Variants in LRRIQ3 observed in about 807,000 individuals in gnomAD.
The protein encoded by LRRIQ3 is leucine rich repeats and IQ motif containing 3, also known as leucine-rich repeat and IQ domain-containing protein 3.
Under a neutral mutation model 59.3 loss-of-function variants are expected in LRRIQ3, and 75 were observed. That is an observed-to-expected ratio of 1.26 (90% confidence interval 1.05 to 1.53). LRRIQ3 has a LOEUF of 1.53. Ranked by LOEUF, LRRIQ3 falls within the 40% of genes most tolerant of loss-of-function variation. LRRIQ3 has a pLI of 0.00. For synonymous variants in LRRIQ3, 250 were observed against 231.3 expected (o/e 1.08, Z -0.73); for missense variants, 831 against 710.0 (o/e 1.17, Z -1.94).
In LRRIQ3 at chr1:74,041,642, T is replaced by C. The variant is rs1277020058; in HGVS notation, c.1289A>G (p.Gln430Arg). Residue 430 changes from glutamine to arginine, a missense_variant, in exon 7 of 8, where the codon CAA becomes CGA. Coordinates refer to ENST00000354431, the MANE Select transcript of LRRIQ3 (RefSeq NM_001105659.2). The stretch of plus-strand genomic sequence containing the variant: ...TTCTTTATGGTATTCCTGCTTCTTT[T>C]GTTCTGTGTAATATTTGTCAATATC... ...FSDIDKYYTE[Q>R]KKQEYHKEKV... 1.2e-6 allele frequency: 2 copies of C among 1,613,836 alleles called. No individual in the cohort carries two copies. The highest frequency in any genetic ancestry group is 2.2e-5 in the East Asian group (1 of 44,860).
intron 6 of LRRIQ3, among the ~76,000 whole-genome samples, chr1:74,059,001 G>A (rs948409593): frequency 6.6e-6 from 1 of 152,008 alleles, no homozygotes; most frequent in Non-Finnish European, 1.5e-5. Context: ...ATAGCCATCT[G>A]AATGGGTGTG....
At chr1:74,152,834 C>T (rs1302072035) in intron 4 of LRRIQ3, among the ~76,000 whole-genome samples, 1 of 152,076 alleles carries the variant, frequency 6.6e-6, no homozygotes, top group East Asian at 1.9e-4. Context: ...TGTGTTAATA[C>T]CGGAACCTGA....
chr1:74,110,795 A>T (rs1646683972), intron 4 of LRRIQ3, among the ~76,000 whole-genome samples: 1 of 152,058 alleles, frequency 6.6e-6, no homozygotes, highest in Non-Finnish European at 1.5e-5. Flanking sequence ...ATATACTAAG[A>T]TAATACAATT....
chr1:74,149,363 A>T (rs1647779110), intron 4 of LRRIQ3, among the ~76,000 whole-genome samples: 1 of 152,150 alleles, frequency 6.6e-6, no homozygotes, highest in Admixed American at 6.5e-5. Context: ...TGTATGTACA[A>T]CTATTTAGTA....
intron 6 of LRRIQ3, among the ~76,000 whole-genome samples, chr1:74,051,000 C>G (rs995538528): frequency 6.6e-6 from 1 of 152,128 alleles, no homozygotes; most frequent in Non-Finnish European, 1.5e-5. Context: ...TATGAAACAT[C>G]TTACATCTCA....
intron 4 of LRRIQ3, among the ~76,000 whole-genome samples, chr1:74,117,138 A>G (rs1646788439): frequency 6.6e-6 from 1 of 152,174 alleles, no homozygotes; most frequent in Admixed American, 6.6e-5. Context: ...TTTAAATAGA[A>G]GTTATCCAGA....
intron 4 of LRRIQ3, among the ~76,000 whole-genome samples, chr1:74,119,428 T>C (rs1268176053): frequency 2.0e-5 from 3 of 152,102 alleles, no homozygotes; most frequent in Non-Finnish European, 4.4e-5. Context: ...ACAAGCTATT[T>C]ATATGTGAAC....
At chr1:74,131,692 C>T (rs548363687) in intron 4 of LRRIQ3, among the ~76,000 whole-genome samples, 5 of 152,254 alleles carry the variant, frequency 3.3e-5, no homozygotes, top group African/African-American at 1.2e-4. Context: ...ATGCTAAGAA[C>T]TCTCAATAAA....
chr1:74,042,849 A>C (rs149315950), intron 6 of LRRIQ3, among the ~76,000 whole-genome samples: 1 of 152,180 alleles, frequency 6.6e-6, no homozygotes, highest in Non-Finnish European at 1.5e-5. Context: ...TCCTTGTCCA[A>C]GAGATTGTTT....
intron 4 of LRRIQ3, among the ~76,000 whole-genome samples, chr1:74,151,773 G>C (rs1647993864): frequency 6.6e-6 from 1 of 152,114 alleles, no homozygotes; most frequent in Non-Finnish European, 1.5e-5. Context: ...TTGAGTGGCA[G>C]AGAAAAACAG....
chr1:74,070,064 G>C (rs1654977977), intron 6 of LRRIQ3, among the ~76,000 whole-genome samples: 1 of 152,030 alleles, frequency 6.6e-6, no homozygotes, highest in South Asian at 2.1e-4. Context: ...GAAGCAGCTT[G>C]GTGACTTCTG....
intron 7 of LRRIQ3, among the ~76,000 whole-genome samples, chr1:74,040,372 G>C (rs1372411779): frequency 6.6e-6 from 1 of 152,130 alleles, no homozygotes; most frequent in African/African-American, 2.4e-5. Context: ...GTCAATATTA[G>C]ACCGATTAAT....
chr1:74,058,669 C>T (rs368180784), intron 6 of LRRIQ3, among the ~76,000 whole-genome samples: 102 of 152,066 alleles, frequency 6.7e-4, no homozygotes, highest in East Asian at 5.6e-3. Context: ...GAGTGACTAT[C>T]ATCAACAACA....
intron 6 of LRRIQ3, 123 bp from the exon 7 acceptor site, chr1:74,042,056 C>T (rs1321285471): frequency 1.0e-6 from 1 of 978,994 alleles, no homozygotes; most frequent in Non-Finnish European, 1.4e-6. Context: ...AGAATTTTTC[C>T]CAAGTACCTT....
intron 5 of LRRIQ3, among the ~76,000 whole-genome samples, chr1:74,089,615 G>A (rs1401193264): frequency 3.3e-5 from 5 of 151,964 alleles, no homozygotes; most frequent in Non-Finnish European, 2.9e-5. Flanking sequence ...GCATGATTCC[G>A]CTTATATTAA....
chr1:74,169,745 T>C (rs1649207420), intron 3 of LRRIQ3, among the ~76,000 whole-genome samples: 1 of 152,084 alleles, frequency 6.6e-6, no homozygotes. Flanking sequence ...AGACAGGGTC[T>C]TGTTATGTTG....
intron 6 of LRRIQ3, among the ~76,000 whole-genome samples, chr1:74,071,621 A>G (rs1655031139): frequency 6.6e-6 from 1 of 152,130 alleles, no homozygotes; most frequent in African/African-American, 2.4e-5. Context: ...GTACAGTTTC[A>G]TACTGAGATA....
intron 4 of LRRIQ3, among the ~76,000 whole-genome samples, chr1:74,110,390 T>C (rs1646678771): frequency 6.6e-6 from 1 of 151,990 alleles, no homozygotes; most frequent in Non-Finnish European, 1.5e-5. Flanking sequence ...ACTATGATCA[T>C]GTATTGTAAA....
intron 1 of LRRIQ3, among the ~76,000 whole-genome samples, chr1:74,194,511 C>A (rs1490701941): frequency 6.6e-6 from 1 of 151,958 alleles, no homozygotes; most frequent in African/African-American, 2.4e-5. Context: ...AATATATTGG[C>A]TTTTTGAATT....
Sources: allele counts gnomAD v4.1 joint callset (sites outside exome capture counted in the v4.1 genomes callset), GRCh38; gene constraint gnomAD v4.1.1; transcripts MANE v1.5; gene names NCBI Gene and HGNC (gene_info 2026-07-23, HGNC 2026-07-21).